CDC14A: variants seen among roughly 807,000 people sequenced by gnomAD.
CDC14A encodes cell division cycle 14A, also known as dual specificity protein phosphatase CDC14A.
A neutral mutation model predicts 74.4 loss-of-function variants in CDC14A; 53 were observed. The ratio of observed to expected loss-of-function variants is 0.71; its 90% confidence interval spans 0.57 to 0.89. The LOEUF (loss-of-function observed/expected upper bound fraction) is 0.89. Ranked by LOEUF, CDC14A falls within the 40% of genes least tolerant of loss-of-function variation. CDC14A has a pLI of 0.00. For missense variants in CDC14A, 646 were observed against 713.7 expected (o/e 0.91, Z 1.08); for synonymous variants, 247 against 258.4 (o/e 0.96, Z 0.43).
chr1:100,505,699 C>T (rs944612299), intron 15 of CDC14A, among the ~76,000 whole-genome samples: 1 of 152,178 alleles, frequency 6.6e-6, no homozygotes, highest in African/African-American at 2.4e-5. Flanking sequence ...GCCTGTTCTC[C>T]ATTTTAAAAA....
At chr1:100,475,981 G>A (rs1341356403) in intron 10 of CDC14A, among the ~76,000 whole-genome samples, 1 of 152,184 alleles carries the variant, frequency 6.6e-6, no homozygotes, top group Admixed American at 6.5e-5. Context: ...TAGCCTGGCA[G>A]CGTGGAAATC....
intron 2 of CDC14A, among the ~76,000 whole-genome samples, chr1:100,367,054 C>T (rs929544450): frequency 6.6e-6 from 1 of 152,170 alleles, no homozygotes; most frequent in African/African-American, 2.4e-5. Flanking sequence ...GCTCTGGAAG[C>T]CTTTTCCTAG....
intron 3 of CDC14A, among the ~76,000 whole-genome samples, chr1:100,387,440 G>A (rs1318882641): frequency 6.6e-6 from 1 of 152,118 alleles, no homozygotes; most frequent in East Asian, 1.9e-4. Flanking sequence ...AAACTTAACC[G>A]AGGAAACTGA....
chr1:100,485,177 T>G, intron 11 of CDC14A: 1 of 985,372 alleles, frequency 1.0e-6, no homozygotes, highest in Non-Finnish European at 1.2e-6. Flanking sequence ...GAAACACCAT[T>G]TGTTTGGTTC....
At chr1:100,438,199 A>G (rs1664556560) in intron 5 of CDC14A, among the ~76,000 whole-genome samples, 1 of 152,152 alleles carries the variant, frequency 6.6e-6, no homozygotes, top group Non-Finnish European at 1.5e-5. Context: ...ATCTTGTTAT[A>G]TAATATATTA....
chr1:100,411,389 T>G (rs997572084), intron 4 of CDC14A, among the ~76,000 whole-genome samples: 3 of 152,250 alleles, frequency 2.0e-5, no homozygotes, highest in Admixed American at 1.3e-4. Context: ...TCCTGTGTTC[T>G]GATCACTTCT....
At chr1:100,358,530 A>T (rs902909030) in intron 2 of CDC14A, among the ~76,000 whole-genome samples, 1 of 152,232 alleles carries the variant, frequency 6.6e-6, no homozygotes, top group African/African-American at 2.4e-5. Flanking sequence ...TTGAAAGTGC[A>T]GGAAAGAGCT....
chr1:100,452,471 G>C (rs898598507), intron 7 of CDC14A, among the ~76,000 whole-genome samples: 1 of 152,064 alleles, frequency 6.6e-6, no homozygotes, highest in African/African-American at 2.4e-5. Context: ...AGATCGCACC[G>C]TTGCACTCCA....
At chr1:100,419,504 C>T (rs9970674) in intron 4 of CDC14A, among the ~76,000 whole-genome samples, 47,558 of 152,180 alleles carry the variant, frequency 0.31, 11,026 homozygotes, top group African/African-American at 0.65. Context: ...GTAAGTTACA[C>T]AGTGCTAAGG....
intron 2 of CDC14A, among the ~76,000 whole-genome samples, chr1:100,364,069 C>T (rs934227644): frequency 1.3e-5 from 2 of 151,992 alleles, no homozygotes; most frequent in Non-Finnish European, 2.9e-5. Context: ...GTCGAGGCTT[C>T]AGTGAACCAT....
At position 100,442,331 on chromosome 1, in the gene CDC14A, A is replaced by C. The variant is rs186848000; in HGVS notation, c.457-603A>C. Among the ~76,000 whole-genome samples, 109 of 146,760 alleles carry C rather than the reference A, an allele frequency of 7.4e-4. 1 individual carries two copies. In the East Asian group the frequency reaches 0.012, roughly 16 times the overall value. ...ATTGTATATATAAATATACTATATT[A>C]TGTATTATATATAAATATACTATAT... On this transcript the variant is annotated intron_variant, in intron 6 of 15. Transcript: ENST00000336454.
At chr1:100,405,396 T>C (rs187580307) in intron 4 of CDC14A, among the ~76,000 whole-genome samples, 4 of 152,294 alleles carry the variant, frequency 2.6e-5, no homozygotes, top group African/African-American at 7.2e-5. Context: ...TCTTCAACTT[T>C]TATTAAGTTC....
Position 100,519,023 on chromosome 1 carries a change from C to G in CDC14A, c.*743C>G, listed in dbSNP as rs1056831506. ...TTGCATCCTGGGGGGCTTTAAAATA[C>G]AGCATGCAGTGAAAGATCAGAATTC... On this transcript the variant is annotated 3_prime_UTR_variant, in exon 16 of 16. Transcript: ENST00000336454. 6.6e-6 allele frequency: 1 copy of G among 152,076 alleles called. No homozygotes were observed. Among genetic ancestry groups the G allele is most frequent in the Non-Finnish European group, 1.5e-5 (1 of 67,976 alleles). The allele number at this position is 152,076 out of a possible 1,614,324, so 9.4% of individuals were successfully genotyped here.
At chr1:100,461,313 A>C (rs1257944529) in intron 8 of CDC14A, among the ~76,000 whole-genome samples, 2 of 152,070 alleles carry the variant, frequency 1.3e-5, no homozygotes. Context: ...TAGTATATGG[A>C]CTCCAGCCCC....
intron 2 of CDC14A, 44 bp from the exon 3 acceptor site, chr1:100,377,502 T>C (rs770683606): frequency 3.5e-5 from 46 of 1,301,068 alleles, no homozygotes; most frequent in Middle Eastern, 4.0e-4. Flanking sequence ...CTGAAAATTA[T>C]ACTTTGACTA....
chr1:100,420,013 C>CAT (rs1224611957), intron 4 of CDC14A, among the ~76,000 whole-genome samples: 36 of 96,566 alleles, frequency 3.7e-4, no homozygotes, highest in South Asian at 2.8e-3. Context: ...TATATATATA[C>CAT]ATATATATAT....
At chr1:100,460,543 A>G (rs1409486363) in intron 8 of CDC14A, among the ~76,000 whole-genome samples, 3 of 152,152 alleles carry the variant, frequency 2.0e-5, no homozygotes, top group African/African-American at 4.8e-5. Context: ...TCTCCTCCCC[A>G]TTCCTCACAT....
chr1:100,384,945 T>G (rs914990357), intron 3 of CDC14A, among the ~76,000 whole-genome samples: 32 of 152,334 alleles, frequency 2.1e-4, no homozygotes, highest in African/African-American at 7.7e-4. Context: ...ATTTGGAACT[T>G]CTGGAATAAT....
intron 5 of CDC14A, among the ~76,000 whole-genome samples, chr1:100,426,883 C>A (rs1024661528): frequency 1.4e-4 from 21 of 152,158 alleles, no homozygotes; most frequent in Non-Finnish European, 2.8e-4. Context: ...ATAAACCATA[C>A]ATTTGAAACA....
Sources: gnomAD v4.1 joint callset for allele counts (sites outside exome capture counted in the v4.1 genomes callset) on GRCh38, gnomAD v4.1.1 for gene constraint, MANE v1.5 for transcripts, NCBI Gene and HGNC (gene_info 2026-07-23, HGNC 2026-07-21) for gene names.